Variants in ADAMTSL1 observed in about 807,000 individuals in gnomAD.
The protein encoded by ADAMTSL1 is ADAMTS-like protein 1.
Under a neutral mutation model 201.8 loss-of-function variants are expected in ADAMTSL1, and 126 were observed. The ratio of observed to expected loss-of-function variants is 0.62; its 90% CI spans 0.54 to 0.72. The LOEUF (loss-of-function observed/expected upper bound fraction) is 0.72, where lower values mean the gene tolerates loss of function less well. Ranked by LOEUF, ADAMTSL1 falls within the 30% of genes least tolerant of loss-of-function variation. ADAMTSL1 has a pLI of 0.00. For synonymous variants in ADAMTSL1, 1,121 were observed against 903.4 expected (o/e 1.24, Z -4.32); for missense variants, 2,679 against 2,277.8 (o/e 1.18, Z -3.59).
intron 2 of ADAMTSL1, among the ~76,000 whole-genome samples, chr9:18,432,413 T>C (rs1819534385): frequency 1.3e-5 from 2 of 152,234 alleles, no homozygotes; most frequent in Admixed American, 1.3e-4. Context: ...CATTATTCTA[T>C]GTTTCCCGTA....
chr9:18,753,099 C>T (rs1483911418), intron 15 of ADAMTSL1, among the ~76,000 whole-genome samples, 199 bp from the exon 16 acceptor site: 2 of 152,136 alleles, frequency 1.3e-5, no homozygotes, highest in Non-Finnish European at 2.9e-5. Flanking sequence ...TTTTATCTCC[C>T]TCTTTGCTTT....
chr9:18,070,214 C>T lies in ADAMTSL1; in HGVS notation c.88-93648C>T, dbSNP rs149865991. ...CCATAAAAAGGACTGGATAGGAGAGCACCGTCTAGTGAAGCTGAGGGAGGA... is the reference window on the plus strand; with the variant it reads ...CCATAAAAAGGACTGGATAGGAGAGTACCGTCTAGTGAAGCTGAGGGAGGA... On this transcript the variant is annotated intron_variant, in intron 1 of 29. Coordinates refer to the ADAMTSL1 transcript ENST00000680146. 4.9e-3 allele frequency among the ~76,000 whole-genome samples: 744 copies of T among 152,300 alleles called. 5 individuals are homozygous for T. The highest frequency in any genetic ancestry group is 0.017 in the African/African-American group (705 of 41,566).
At chr9:18,245,559 G>A (rs1188634030) in intron 2 of ADAMTSL1, among the ~76,000 whole-genome samples, 2 of 152,110 alleles carry the variant, frequency 1.3e-5, no homozygotes, top group East Asian at 3.9e-4. Flanking sequence ...GAAAAAATGG[G>A]TCAGGATATA....
intron 1 of ADAMTSL1, among the ~76,000 whole-genome samples, chr9:17,942,880 C>G (rs529226632): frequency 1.1e-4 from 17 of 152,272 alleles, no homozygotes; most frequent in African/African-American, 3.6e-4. Flanking sequence ...TACATTCCAT[C>G]TGAATGTCAA....
intron 19 of ADAMTSL1, among the ~76,000 whole-genome samples, chr9:18,790,786 G>A (rs1254305162): frequency 2.0e-5 from 3 of 151,814 alleles, no homozygotes; most frequent in Non-Finnish European, 4.4e-5. Flanking sequence ...CTAGAAGTAG[G>A]GTCAAAGAAG....
intron 23 of ADAMTSL1, among the ~76,000 whole-genome samples, chr9:18,841,315 T>C (rs1341504281): frequency 6.6e-6 from 1 of 152,060 alleles, no homozygotes; most frequent in Admixed American, 6.6e-5. Flanking sequence ...TTGTCTTTGG[T>C]TCTGTTTATA....
chr9:18,682,734 T>A (rs1351059507), intron 12 of ADAMTSL1, among the ~76,000 whole-genome samples: 2 of 152,182 alleles, frequency 1.3e-5, no homozygotes, highest in Non-Finnish European at 1.5e-5. Flanking sequence ...TTTTAAGCCA[T>A]TAAATTTCTC....
At chr9:18,534,374 A>G (rs1819626854) in intron 3 of ADAMTSL1, among the ~76,000 whole-genome samples, 1 of 151,980 alleles carries the variant, frequency 6.6e-6, no homozygotes, top group Non-Finnish European at 1.5e-5. Flanking sequence ...TATAAGAAAG[A>G]AGAAGAAGAA....
At chr9:17,979,142 A>G (rs1156364425) in intron 1 of ADAMTSL1, among the ~76,000 whole-genome samples, 1 of 152,074 alleles carries the variant, frequency 6.6e-6, no homozygotes, top group Non-Finnish European at 1.5e-5. Flanking sequence ...AATGTATCTG[A>G]TAAAGTCTTC....
chr9:18,509,859 T>G (rs918929503), intron 2 of ADAMTSL1, among the ~76,000 whole-genome samples: 6 of 152,248 alleles, frequency 3.9e-5, no homozygotes, highest in South Asian at 2.1e-4. Context: ...TAGTCTTCTA[T>G]GGCTTTCTTA....
chr9:18,151,074 G>A (rs1196475116), intron 1 of ADAMTSL1, among the ~76,000 whole-genome samples: 1 of 151,960 alleles, frequency 6.6e-6, no homozygotes. Flanking sequence ...TCTGGAAAAT[G>A]TGTTATGGTG....
intron 2 of ADAMTSL1, among the ~76,000 whole-genome samples, chr9:18,238,173 G>C (rs1181489255): frequency 2.0e-5 from 3 of 152,142 alleles, no homozygotes; most frequent in African/African-American, 4.8e-5. Flanking sequence ...TTTTTTAAGA[G>C]AGCTTTAATG....
At chr9:18,723,161 A>G (rs1817650799) in intron 15 of ADAMTSL1, 1 of 722,088 alleles carries the variant, frequency 1.4e-6, no homozygotes, top group African/African-American at 1.7e-5. Flanking sequence ...CTGCAAAGTG[A>G]ACTGGTTGTA....
At chr9:18,799,028 T>C (rs1822609630) in intron 20 of ADAMTSL1, among the ~76,000 whole-genome samples, 1 of 152,156 alleles carries the variant, frequency 6.6e-6, no homozygotes, top group Non-Finnish European at 1.5e-5. Context: ...TGCAAGTGTC[T>C]CTCAGCATGG....
chr9:18,740,857 C>T (rs1015110625), intron 15 of ADAMTSL1, among the ~76,000 whole-genome samples: 1 of 152,266 alleles, frequency 6.6e-6, no homozygotes, highest in South Asian at 2.1e-4. Context: ...TCTTATACCT[C>T]ATTCTGCCTG....
intron 2 of ADAMTSL1, among the ~76,000 whole-genome samples, chr9:18,171,639 C>G (rs1331103279): frequency 6.6e-6 from 1 of 152,110 alleles, no homozygotes; most frequent in African/African-American, 2.4e-5. Context: ...TGCCTCTTCA[C>G]TATGATGATA....
At chr9:18,848,627 C>CT (rs1176419348) in intron 23 of ADAMTSL1, among the ~76,000 whole-genome samples, 2 of 152,170 alleles carry the variant, frequency 1.3e-5, no homozygotes, top group Non-Finnish European at 2.9e-5. Context: ...CATGCAGCCT[C>CT]TTGGAGCACC....
Position 17,968,965 on chromosome 9 carries a change from G to T in ADAMTSL1, c.87+62043G>T, listed in dbSNP as rs16936163. On this transcript the variant is annotated intron_variant, in intron 1 of 29. Coordinates refer to the ADAMTSL1 transcript ENST00000680146. ...CCCAGAAGATATTTCCAATGTGCTC[G>T]TCTAGGGTCTTTCTTTGAGGCCCCT... is the stretch of plus-strand genomic sequence containing the variant. Among the ~76,000 whole-genome samples, 506 of 152,070 alleles carry T rather than the reference G, an allele frequency of 3.3e-3. 17 individuals carry two copies. In the East Asian group the frequency reaches 0.075, roughly 23 times the overall value.
At chr9:18,129,905 T>G (rs935619935) in intron 1 of ADAMTSL1, among the ~76,000 whole-genome samples, 3 of 152,144 alleles carry the variant, frequency 2.0e-5, no homozygotes, top group Non-Finnish European at 4.4e-5. Flanking sequence ...AAAGGAAAGC[T>G]TAACTGAGAA....
Sources: allele counts gnomAD v4.1 joint callset (sites outside exome capture counted in the v4.1 genomes callset), GRCh38; gene constraint gnomAD v4.1.1; transcripts MANE v1.5; gene names NCBI Gene and HGNC (gene_info 2026-07-23, HGNC 2026-07-21).